VIPR2: variants seen among roughly 807,000 people sequenced by gnomAD.
The protein encoded by VIPR2 is vasoactive intestinal polypeptide receptor 2.
VIPR2 carries 48 observed loss-of-function variants against 58.0 expected under a neutral mutation model. The observed-to-expected ratio is 0.83, with a 90% CI of 0.66 to 1.05. The LOEUF is 1.05. Ranked by LOEUF, VIPR2 falls within the 50% of genes least tolerant of loss-of-function variation. VIPR2 has a pLI of 0.00. For missense variants in VIPR2, 534 were observed against 558.0 expected, an observed-to-expected ratio of 0.96 and a Z score of 0.43; for synonymous variants, 243 against 235.2, an observed-to-expected ratio of 1.03 and a Z score of -0.30.
Position 159,097,115 on chromosome 7 carries a change from T to C in VIPR2, c.357+6642A>G. The stretch of plus-strand genomic sequence containing the variant: ...CAGGGTTGCAGGAGGGTTGGCGGGA[T>C]GATCAGATGGTGCCTCCCACAAAGG... On this transcript the variant is annotated intron_variant, in intron 4 of 12. Transcript: ENST00000262178. This position sits in a 1 kb window ranked among gnomAD's most constrained non-coding sequence, Gnocchi z 5.3. The C allele has an allele frequency of 6.7e-7, 1 of 1,490,410 alleles. No individual in the cohort carries two copies. The highest frequency in any genetic ancestry group is 9.0e-7 in the Non-Finnish European group (1 of 1,112,380). The allele number at this position is 1,490,410 out of a possible 1,614,324, so 92.3% of individuals were successfully genotyped here. A position where few individuals can be genotyped will look rare whatever the true frequency, so the allele number is the denominator to read the frequency against.
At chr7:159,032,293 G>C (rs1193546304) in intron 10 of VIPR2, among the ~76,000 whole-genome samples, 1 of 152,230 alleles carries the variant, frequency 6.6e-6, no homozygotes, top group Non-Finnish European at 1.5e-5. Context: ...CATTCCGGAA[G>C]TGTCCGTTTC....
chr7:159,043,517 G>C (rs1854470024), intron 5 of VIPR2, among the ~76,000 whole-genome samples: 1 of 152,108 alleles, frequency 6.6e-6, no homozygotes. Flanking sequence ...GTGGTGTAGG[G>C]ACCATTCAAG....
At chr7:159,038,505 A>C (rs929403562) in intron 6 of VIPR2, among the ~76,000 whole-genome samples, 2 of 152,194 alleles carry the variant, frequency 1.3e-5, no homozygotes, top group African/African-American at 2.4e-5. Flanking sequence ...TAACACAGCC[A>C]TGGATGCAGG....
chr7:159,031,668 G>A lies in VIPR2; in HGVS notation c.1143+160C>T. On this transcript the variant is annotated intron_variant, in intron 12 of 12. Transcript: ENST00000262178. The surrounding 1 kb of genome is among the most constrained non-coding windows in gnomAD (Gnocchi z 4.0). Reference sequence around the variant, plus strand: ...CCAGAAGAGTGGGTTTGCCTGTGTCGTTGTGGGTTCTCTGATGGGGACACA... The same window carrying A: ...CCAGAAGAGTGGGTTTGCCTGTGTCATTGTGGGTTCTCTGATGGGGACACA... The A allele has an allele frequency of 1.0e-6, 1 of 985,410 alleles. No homozygotes were observed. The highest frequency in any genetic ancestry group is 1.2e-6 in the Non-Finnish European group (1 of 829,930). 61.0% of individuals were successfully genotyped at this position (985,410 alleles called of 1,614,324 possible).
In VIPR2 at chr7:159,090,546, G is replaced by T. The variant is rs575297522; in HGVS notation, c.357+13211C>A. Among the ~76,000 whole-genome samples the T allele has an allele frequency of 1.0e-4, 11 of 109,630 alleles. No individual in the cohort carries two copies. The South Asian group carries it at 3.4e-3, about 34-fold the overall frequency. The allele number at this position is 109,630 out of a possible 152,430, so 71.9% of individuals were successfully genotyped here. ...CGGTGACCTCAGCACAGACACGCTGGGACCACGCACAGGGGCCACCTCTTG... is the reference window on the plus strand; with the variant it reads ...CGGTGACCTCAGCACAGACACGCTGTGACCACGCACAGGGGCCACCTCTTG... On this transcript the variant is annotated intron_variant, in intron 4 of 12. Transcript: ENST00000262178.
At chr7:159,061,782 C>T (rs1005513939) in intron 4 of VIPR2, among the ~76,000 whole-genome samples, 3 of 152,248 alleles carry the variant, frequency 2.0e-5, no homozygotes, top group East Asian at 1.9e-4. Flanking sequence ...ACAGGAAAGA[C>T]GGCTTTCTGG....
At chr7:159,101,555 G>C (rs1156296765) in intron 4 of VIPR2, among the ~76,000 whole-genome samples, 2 of 118,156 alleles carry the variant, frequency 1.7e-5, no homozygotes, top group Non-Finnish European at 3.4e-5. Context: ...TCCCCTGACT[G>C]TTCCTGTGGT....
chr7:159,084,802 T>C (rs1857089365), intron 4 of VIPR2, among the ~76,000 whole-genome samples: 1 of 152,100 alleles, frequency 6.6e-6, no homozygotes. Context: ...GTCTCAGAGG[T>C]AGGAGGTGCC....
chr7:159,040,546 T>C (rs1854264632), intron 6 of VIPR2, among the ~76,000 whole-genome samples: 1 of 152,214 alleles, frequency 6.6e-6, no homozygotes, highest in South Asian at 2.1e-4. Flanking sequence ...TGTCTCTGTC[T>C]AGGCCGCATG....
At chr7:159,079,095 C>A (rs115253603) in intron 4 of VIPR2, among the ~76,000 whole-genome samples, 1 of 152,238 alleles carries the variant, frequency 6.6e-6, no homozygotes, top group African/African-American at 2.4e-5. Context: ...CTCAGCTCCA[C>A]TCAGAGAAAG....
chr7:159,094,191 C>T (rs891237743), intron 4 of VIPR2, among the ~76,000 whole-genome samples: 5 of 152,210 alleles, frequency 3.3e-5, no homozygotes, highest in Admixed American at 3.3e-4. Flanking sequence ...CTCGCCTCTG[C>T]CATCTGGGAT....
intron 4 of VIPR2, among the ~76,000 whole-genome samples, chr7:159,091,153 T>G (rs1234713262): frequency 1.3e-5 from 2 of 152,272 alleles, no homozygotes; most frequent in Admixed American, 6.5e-5. Context: ...CTTGGGAACC[T>G]ACTTTGCCCC....
chr7:159,079,644 C>CA (rs1375767387), intron 4 of VIPR2, among the ~76,000 whole-genome samples: 5 of 151,952 alleles, frequency 3.3e-5, no homozygotes, highest in Non-Finnish European at 7.4e-5. Context: ...AATAGAGACA[C>CA]AAAAAACCCT....
intron 4 of VIPR2, among the ~76,000 whole-genome samples, chr7:159,061,666 AAAAAAAAG>A (rs1445874701): frequency 2.6e-5 from 4 of 151,744 alleles, no homozygotes; most frequent in Admixed American, 2.0e-4. Flanking sequence ...AAAAAAAGTT[AAAAAAAAG>A]AAAAAAAGTG....
At chr7:159,063,502 C>T (rs549716846) in intron 4 of VIPR2, among the ~76,000 whole-genome samples, 50 of 152,076 alleles carry the variant, frequency 3.3e-4, no homozygotes, top group Non-Finnish European at 5.7e-4. Context: ...GGTTCCCGCC[C>T]GCGCCTCTCC....
At chr7:159,112,618 G>A (rs1045929447) in intron 2 of VIPR2, among the ~76,000 whole-genome samples, 3 of 152,200 alleles carry the variant, frequency 2.0e-5, no homozygotes, top group Non-Finnish European at 4.4e-5. Context: ...ACCGGCAAGG[G>A]TGGAGGACGC....
chr7:159,133,028 A>ATTGGCATACAGATTGAT (rs1563355752), intron 2 of VIPR2, among the ~76,000 whole-genome samples: 9 of 143,076 alleles, frequency 6.3e-5, no homozygotes, highest in East Asian at 4.0e-4. Flanking sequence ...AGACAGAATG[A>ATTGGCATACAGATTGAT]TTCCAAAAAT....
chr7:159,109,919 G>C lies in VIPR2; in HGVS notation c.152C>G (p.Ala51Gly), dbSNP rs1393942289. The change falls in exon 3 of 13, where the codon GCC becomes GGC. Residue 51 changes from alanine to glycine, a missense_variant and splice_region_variant. Physicochemically the swap from Ala to Gly is moderately conservative, Grantham distance 60. Transcript: ENST00000262178. ...GATGTTGTCCCAGACGCCACTGCAGGCTGGAAGGAGAGAAGCAGAGTGAGG... is the reference window on the plus strand; with the variant it reads ...GATGTTGTCCCAGACGCCACTGCAGCCTGGAAGGAGAGAAGCAGAGTGAGG... ...LLRSQTEKHK[A>G]CSGVWDNITC... is the part of the protein sequence containing the mutation. 3.1e-6 allele frequency: 5 copies of C among 1,613,272 alleles called. No individual in the cohort carries two copies. The highest frequency in any genetic ancestry group is 1.3e-5 in the African/African-American group (1 of 75,072).
intron 4 of VIPR2, among the ~76,000 whole-genome samples, chr7:159,088,588 C>A (rs932332031): frequency 2.0e-4 from 30 of 152,264 alleles, no homozygotes; most frequent in Non-Finnish European, 4.3e-4. Flanking sequence ...CCACGTTATT[C>A]ACATCACAGC....
Sources: allele counts gnomAD v4.1 joint callset (sites outside exome capture counted in the v4.1 genomes callset), GRCh38; gene constraint gnomAD v4.1.1; non-coding constraint Gnocchi (gnomAD v3.1); transcripts MANE v1.5; gene names NCBI Gene and HGNC (gene_info 2026-07-23, HGNC 2026-07-21).